ROBO2: variants seen among roughly 807,000 people sequenced by gnomAD.
The protein encoded by ROBO2 is roundabout guidance receptor 2.
In ROBO2, 53 loss-of-function variants were observed where a neutral mutation model predicts 160.8. The observed-to-expected ratio is 0.33, with a 90% CI of 0.26 to 0.41. The LOEUF is 0.41. Ranked by LOEUF, ROBO2 falls within the 10% of genes least tolerant of loss-of-function variation. The probability of loss-of-function intolerance (pLI) is 1.00; values close to 1 mark genes in which losing one functional copy is unlikely to be tolerated. For synonymous variants in ROBO2, 664 were observed against 611.7 expected (o/e 1.09, Z -1.26); for missense variants, 1,577 against 1,722.4 (o/e 0.92, Z 1.49).
intron 2 of ROBO2, among the ~76,000 whole-genome samples, chr3:77,411,724 T>C (rs2076818875): frequency 6.6e-6 from 1 of 152,198 alleles, no homozygotes; most frequent in African/African-American, 2.4e-5. Flanking sequence ...GTGTGTAAAC[T>C]CTATCTGGAA....
At chr3:77,175,158 T>C (rs751972359) in intron 2 of ROBO2, among the ~76,000 whole-genome samples, 1 of 152,092 alleles carries the variant, frequency 6.6e-6, no homozygotes, top group Non-Finnish European at 1.5e-5. Context: ...ACAACCTACC[T>C]GAAACTATAT....
At chr3:76,730,958 C>G (rs13072390) in intron 2 of ROBO2, among the ~76,000 whole-genome samples, 467 of 3,472 alleles carry the variant, frequency 0.13, 44 homozygotes, top group African/African-American at 0.33. Context: ...CTACCCGCTT[C>G]TCCTCACCTC....
At chr3:76,949,513 C>G (rs1380204716) in intron 2 of ROBO2, among the ~76,000 whole-genome samples, 1 of 151,874 alleles carries the variant, frequency 6.6e-6, no homozygotes, top group Non-Finnish European at 1.5e-5. Flanking sequence ...CCAAGTCCGA[C>G]AGCCTTCTCC....
chr3:77,057,252 AC>A (rs1471452736), intron 1 of ROBO2, among the ~76,000 whole-genome samples: 1 of 152,126 alleles, frequency 6.6e-6, no homozygotes, highest in African/African-American at 2.4e-5. Context: ...ATAGGTGGGA[AC>A]TGAACAATGA....
chr3:75,951,525 G>A (rs535733926), intron 2 of ROBO2, among the ~76,000 whole-genome samples: 4 of 152,024 alleles, frequency 2.6e-5, no homozygotes, highest in Admixed American at 1.3e-4. Context: ...TTACATCATC[G>A]GAATGCCATA....
At chr3:77,463,187 T>G (rs2082418122) in intron 2 of ROBO2, among the ~76,000 whole-genome samples, 1 of 152,136 alleles carries the variant, frequency 6.6e-6, no homozygotes, top group Non-Finnish European at 1.5e-5. Flanking sequence ...GATTGAGAAA[T>G]AAAACTCTTC....
intron 2 of ROBO2, among the ~76,000 whole-genome samples, chr3:76,524,628 TTTCTC>T (rs2081828699): frequency 6.6e-6 from 1 of 151,344 alleles, no homozygotes; most frequent in Non-Finnish European, 1.5e-5. Context: ...AATGAGTTGA[TTTCTC>T]TTATCCTTAT....
chr3:76,928,452 ATTTT>A (rs35736164), intron 2 of ROBO2, among the ~76,000 whole-genome samples: 18 of 142,798 alleles, frequency 1.3e-4, no homozygotes, highest in African/African-American at 3.8e-4. Context: ...GTTTATGATA[ATTTT>A]TTTTTTTTTT....
At chr3:77,494,166 A>G (rs1371788230) in intron 5 of ROBO2, among the ~76,000 whole-genome samples, 2 of 152,214 alleles carry the variant, frequency 1.3e-5, no homozygotes, top group East Asian at 3.8e-4. Context: ...TATCTTTAAG[A>G]TTTGTTATGC....
intron 2 of ROBO2, among the ~76,000 whole-genome samples, chr3:76,947,032 C>T (rs1232656858): frequency 6.6e-6 from 1 of 152,186 alleles, no homozygotes; most frequent in Admixed American, 6.5e-5. Context: ...TGTCTAGTCA[C>T]TGTTACTCCA....
intron 2 of ROBO2, among the ~76,000 whole-genome samples, chr3:76,631,540 G>T (rs1239427735): frequency 6.6e-6 from 1 of 152,130 alleles, no homozygotes; most frequent in African/African-American, 2.4e-5. Flanking sequence ...GGGAAAAAAA[G>T]AAAAAGAAAA....
intron 2 of ROBO2, among the ~76,000 whole-genome samples, chr3:77,101,106 A>G (rs906401707): frequency 2.0e-5 from 3 of 152,226 alleles, no homozygotes; most frequent in Non-Finnish European, 4.4e-5. Flanking sequence ...TGAAGATTGC[A>G]TTAAAGGTAT....
intron 3 of ROBO2, among the ~76,000 whole-genome samples, chr3:77,478,884 T>C (rs2084353964): frequency 6.6e-6 from 1 of 152,170 alleles, no homozygotes; most frequent in African/African-American, 2.4e-5. Flanking sequence ...TTTTTTCCCT[T>C]CACCCTCTAA....
intron 2 of ROBO2, among the ~76,000 whole-genome samples, chr3:76,030,403 G>A (rs566356380): frequency 6.6e-6 from 1 of 152,270 alleles, no homozygotes; most frequent in Admixed American, 6.5e-5. Context: ...GGCTTTTGAT[G>A]CCGTTGCTTT....
intron 2 of ROBO2, among the ~76,000 whole-genome samples, chr3:76,901,326 A>C (rs1291104187): frequency 6.6e-6 from 1 of 152,048 alleles, no homozygotes; most frequent in Non-Finnish European, 1.5e-5. Flanking sequence ...GAAATGTTTT[A>C]TATCCTTTTC....
intron 2 of ROBO2, among the ~76,000 whole-genome samples, chr3:76,899,716 A>C (rs750077105): frequency 1.4e-4 from 21 of 152,122 alleles, no homozygotes; most frequent in Non-Finnish European, 2.4e-4. Context: ...TGCCCTCATC[A>C]AGCTTTCATT....
At chr3:76,212,188 A>G (rs1292915090) in intron 2 of ROBO2, among the ~76,000 whole-genome samples, 1 of 152,036 alleles carries the variant, frequency 6.6e-6, no homozygotes, top group East Asian at 1.9e-4. Context: ...TAATTCTTTC[A>G]TTTAACCATA....
intron 2 of ROBO2, among the ~76,000 whole-genome samples, chr3:76,462,903 T>C (rs1354965817): frequency 6.6e-6 from 1 of 152,174 alleles, no homozygotes; most frequent in Non-Finnish European, 1.5e-5. Context: ...TGTCCCTCTT[T>C]GGGCAAATTT....
chr3:76,364,064 A>G (rs1406297039), intron 2 of ROBO2, among the ~76,000 whole-genome samples: 1 of 152,082 alleles, frequency 6.6e-6, no homozygotes, highest in Non-Finnish European at 1.5e-5. Flanking sequence ...ACATTTACTG[A>G]GTCAATTCTT....
Sources: allele counts gnomAD v4.1 joint callset (sites outside exome capture counted in the v4.1 genomes callset), GRCh38; gene constraint gnomAD v4.1.1; transcripts MANE v1.5; gene names NCBI Gene and HGNC (gene_info 2026-07-23, HGNC 2026-07-21).